The following TRPC6 variants were observed in gnomAD, a reference collection of about 807,000 sequenced individuals.
TRPC6 encodes short transient receptor potential channel 6.
TRPC6 carries 55 observed loss-of-function variants against 90.7 expected under a neutral mutation model. The observed-to-expected ratio is 0.61, with a 90% CI of 0.49 to 0.76. The LOEUF is 0.76. Ranked by LOEUF, TRPC6 falls within the 30% of genes least tolerant of loss-of-function variation. TRPC6 has a pLI of 0.00. For synonymous variants in TRPC6, 393 were observed against 393.0 expected (o/e 1.00, Z 0.00); for missense variants, 989 against 1,122.7 (o/e 0.88, Z 1.70).
At chr11:101,580,459 T>C (rs1370742186) in intron 1 of TRPC6, among the ~76,000 whole-genome samples, 1 of 152,224 alleles carries the variant, frequency 6.6e-6, no homozygotes, top group East Asian at 1.9e-4. Flanking sequence ...AATTTATTAC[T>C]ATTTTAACTA....
At chr11:101,503,076 C>T (rs1234017199) in intron 2 of TRPC6, among the ~76,000 whole-genome samples, 2 of 152,090 alleles carry the variant, frequency 1.3e-5, no homozygotes, top group Non-Finnish European at 2.9e-5. Flanking sequence ...TCATAAATAA[C>T]AATAATCCAT....
At chr11:101,484,455 C>G (rs1169098419) in intron 4 of TRPC6, among the ~76,000 whole-genome samples, 1 of 151,986 alleles carries the variant, frequency 6.6e-6, no homozygotes, top group African/African-American at 2.4e-5. Context: ...TCTCTATTTC[C>G]CTACCTTTAT....
At position 101,541,199 on chromosome 11, in the gene TRPC6, A is replaced by T. The variant is rs182729471; in HGVS notation, c.171-36401T>A. Among the ~76,000 whole-genome samples the T allele has an allele frequency of 4.0e-3, 609 of 152,310 alleles. 8 individuals are homozygous for T. The highest frequency in any genetic ancestry group is 0.014 in the African/African-American group (568 of 41,568). On this transcript the variant is annotated intron_variant, in intron 1 of 12. Coordinates refer to ENST00000344327, the MANE Select transcript of TRPC6 (RefSeq NM_004621.6). The stretch of plus-strand genomic sequence containing the variant: ...GAAATAAGTCCCTTTGATAGATAAA[A>T]GCCAGTCTTTTTGTTTTTTTCTATG...
intron 5 of TRPC6, among the ~76,000 whole-genome samples, chr11:101,481,070 T>C (rs771717878): frequency 2.0e-5 from 3 of 152,360 alleles, no homozygotes; most frequent in Non-Finnish European, 2.9e-5. Context: ...ACTCAAATGC[T>C]ACTGAATTAA....
At chr11:101,495,630 TATTATC>T (rs1311205174) in intron 2 of TRPC6, among the ~76,000 whole-genome samples, 256 of 139,810 alleles carry the variant, frequency 1.8e-3, no homozygotes, top group Admixed American at 4.0e-3. Context: ...TTATTATTAT[TATTATC>T]ATTGTTTTCA....
intron 7 of TRPC6, among the ~76,000 whole-genome samples, chr11:101,472,576 A>G (rs971361491): frequency 6.6e-6 from 1 of 152,208 alleles, no homozygotes; most frequent in Non-Finnish European, 1.5e-5. Context: ...ATAAGCACTC[A>G]ATAAATGCTA....
intron 1 of TRPC6, among the ~76,000 whole-genome samples, chr11:101,530,552 C>A (rs1328921342): frequency 2.0e-5 from 3 of 152,108 alleles, no homozygotes; most frequent in African/African-American, 7.2e-5. Context: ...CAGGGTCCCA[C>A]CAAGTGACCC....
intron 1 of TRPC6, among the ~76,000 whole-genome samples, chr11:101,546,420 GCA>G (rs1229283653): frequency 6.6e-6 from 1 of 152,070 alleles, no homozygotes; most frequent in Non-Finnish European, 1.5e-5. Flanking sequence ...AGGAACCACT[GCA>G]AAGATTTCAA....
At chr11:101,553,340 G>C (rs1448239798) in intron 1 of TRPC6, among the ~76,000 whole-genome samples, 1 of 150,858 alleles carries the variant, frequency 6.6e-6, no homozygotes, top group Non-Finnish European at 1.5e-5. Context: ...TTTTTCTTTT[G>C]TTTCCTCCTG....
At chr11:101,457,071 C>T (rs4489713) in intron 10 of TRPC6, among the ~76,000 whole-genome samples, 46,987 of 151,906 alleles carry the variant, frequency 0.31, 9,407 homozygotes, top group African/African-American at 0.57. Context: ...GTCTGCAACA[C>T]GTTTGTACAT....
intron 3 of TRPC6, chr11:101,491,278 C>T (rs1270614892): frequency 2.9e-6 from 1 of 340,126 alleles, no homozygotes; most frequent in Non-Finnish European, 5.7e-6. Flanking sequence ...ACTAAAAATA[C>T]AAAAAATTAG....
intron 1 of TRPC6, among the ~76,000 whole-genome samples, chr11:101,575,369 T>C (rs1467987978): frequency 6.6e-6 from 1 of 152,198 alleles, no homozygotes; most frequent in African/African-American, 2.4e-5. Context: ...CACTCTTTAT[T>C]GAAATAAGAG....
rs548159379 is a variant in TRPC6, at chr11:101,521,967, A to G, written c.171-17169T>C. 3.9e-5 allele frequency among the ~76,000 whole-genome samples: 6 copies of G among 152,330 alleles called. No homozygotes were observed. The East Asian group carries it at 9.6e-4, about 24-fold the overall frequency. On this transcript the variant is annotated intron_variant, in intron 1 of 12. Coordinates refer to ENST00000344327, the MANE Select transcript of TRPC6 (RefSeq NM_004621.6). ...GTAAGTAACTTTTTGTTTACTTTAC[A>G]GGCTCATAGGCTGAAGGGACTTGCC...
At chr11:101,554,526 T>TG (rs1861519963) in intron 1 of TRPC6, among the ~76,000 whole-genome samples, 1 of 152,214 alleles carries the variant, frequency 6.6e-6, no homozygotes, top group South Asian at 2.1e-4. Flanking sequence ...ATTGGGAATA[T>TG]GGTGGGTTTT....
intron 12 of TRPC6, 101 bp from the exon 13 acceptor site, chr11:101,453,207 T>A: frequency 8.5e-7 from 1 of 1,177,288 alleles, no homozygotes; most frequent in Non-Finnish European, 1.3e-6. Flanking sequence ...TCACACACAA[T>A]TTTATTTTGA....
At chr11:101,494,881 C>T (rs1020747926) in intron 2 of TRPC6, among the ~76,000 whole-genome samples, 4 of 152,178 alleles carry the variant, frequency 2.6e-5, no homozygotes, top group Admixed American at 6.5e-5. Flanking sequence ...GAAATACACA[C>T]TTTTTCTACT....
At chr11:101,532,403 C>G (rs1026517376) in intron 1 of TRPC6, among the ~76,000 whole-genome samples, 2 of 152,158 alleles carry the variant, frequency 1.3e-5, no homozygotes, top group African/African-American at 4.8e-5. Context: ...ATTATTGAAG[C>G]TAACCTGAGT....
intron 1 of TRPC6, among the ~76,000 whole-genome samples, chr11:101,548,444 A>G (rs1565238706): frequency 8.7e-6 from 1 of 114,758 alleles, no homozygotes; most frequent in African/African-American, 2.8e-5. Context: ...TATAATACAT[A>G]ATTATATATA....
At chr11:101,559,760 A>G (rs903893786) in intron 1 of TRPC6, among the ~76,000 whole-genome samples, 2 of 149,224 alleles carry the variant, frequency 1.3e-5, no homozygotes, top group Non-Finnish European at 3.0e-5. Context: ...CATTAGGTAT[A>G]TCTCCTAATG....
Sources: allele counts gnomAD v4.1 joint callset (sites outside exome capture counted in the v4.1 genomes callset), GRCh38; gene constraint gnomAD v4.1.1; transcripts MANE v1.5; gene names NCBI Gene and HGNC (gene_info 2026-07-23, HGNC 2026-07-21).